The following ZNF280D variants were observed in gnomAD, a reference collection of about 807,000 sequenced individuals.
ZNF280D encodes zinc finger protein 280D.
ZNF280D carries 39 observed loss-of-function variants against 94.7 expected under a neutral mutation model. That is an observed-to-expected ratio of 0.41 (90% CI 0.32 to 0.54). The LOEUF (loss-of-function observed/expected upper bound fraction) is 0.54. Ranked by LOEUF, ZNF280D falls within the 20% of genes least tolerant of loss-of-function variation. ZNF280D has a pLI of 0.22. For synonymous variants in ZNF280D, 398 were observed against 377.6 expected (o/e 1.05, Z -0.63); for missense variants, 1,090 against 1,149.3 (o/e 0.95, Z 0.75).
chr15:56,702,512 G>A (rs2057137705), intron 4 of ZNF280D, among the ~76,000 whole-genome samples: 1 of 152,064 alleles, frequency 6.6e-6, no homozygotes. Flanking sequence ...TAAAACTAAT[G>A]TACAGTGTTC....
intron 1 of ZNF280D, chr15:56,730,561 T>A (rs1046509438): frequency 8.5e-5 from 13 of 152,202 alleles, no homozygotes; most frequent in South Asian, 4.1e-4. Context: ...TCCTCCAACA[T>A]CAAACTACTT....
At chr15:56,651,491 C>T (rs1415952911) in intron 19 of ZNF280D, among the ~76,000 whole-genome samples, 2 of 151,966 alleles carry the variant, frequency 1.3e-5, no homozygotes, top group African/African-American at 4.8e-5. Flanking sequence ...AATGAATTTA[C>T]TGGGAAAGAA....
intron 1 of ZNF280D, chr15:56,724,933 A>T: frequency 2.2e-6 from 1 of 452,426 alleles, no homozygotes; most frequent in Non-Finnish European, 4.4e-6. Context: ...TTGGTTATGA[A>T]GGCCTTTCTA....
rs559422359 is a variant in ZNF280D, at chr15:56,689,962, C to G, written c.500-492G>C. Among the ~76,000 whole-genome samples, 321 of 152,274 alleles carry G rather than the reference C, an allele frequency of 2.1e-3. 8 individuals carry two copies. The East Asian group carries it at 0.056, about 26-fold the overall frequency. On this transcript the variant is annotated intron_variant, in intron 7 of 21. Coordinates refer to ENST00000267807, the MANE Select transcript of ZNF280D (RefSeq NM_017661.4). Reference sequence around the variant, plus strand: ...TGTCTAATGGAAATTTAGTTCTTTCCTACCTAACAAACTGAAGAGTAGGTA... The same window carrying G: ...TGTCTAATGGAAATTTAGTTCTTTCGTACCTAACAAACTGAAGAGTAGGTA...
intron 3 of ZNF280D, among the ~76,000 whole-genome samples, chr15:56,706,325 A>G (rs1596588010): frequency 6.6e-6 from 1 of 151,024 alleles, no homozygotes; most frequent in Non-Finnish European, 1.5e-5. Flanking sequence ...AAATAGAAAA[A>G]AAATTAGCCA....
In ZNF280D at chr15:56,715,782, A is replaced by G. The variant is rs919348940; in HGVS notation, c.-85-8476T>C. The stretch of plus-strand genomic sequence containing the variant: ...CTGCTGAAGATGTACCAGAAGATCT[A>G]CATGACAGAAGGTCATTTATTCCAG... On this transcript the variant is annotated intron_variant, in intron 1 of 21. Transcript: ENST00000267807. 3.3e-5 allele frequency among the ~76,000 whole-genome samples: 5 copies of G among 152,308 alleles called. No individual in the cohort carries two copies. In the East Asian group the frequency reaches 9.6e-4, roughly 29 times the overall value.
chr15:56,658,650 G>C (rs1416412398), intron 16 of ZNF280D, among the ~76,000 whole-genome samples, 164 bp from the exon 17 acceptor site: 1 of 151,918 alleles, frequency 6.6e-6, no homozygotes, highest in African/African-American at 2.4e-5. Context: ...TATTTTATCT[G>C]ATATTCCATT....
chr15:56,698,186 T>C (rs2056860869), intron 6 of ZNF280D: 1 of 152,224 alleles, frequency 6.6e-6, no homozygotes. Flanking sequence ...TCTTAGCTTT[T>C]AAATGTATGT....
At chr15:56,680,784 C>G (rs1395882600) in intron 10 of ZNF280D, among the ~76,000 whole-genome samples, 1 of 152,124 alleles carries the variant, frequency 6.6e-6, no homozygotes, top group Non-Finnish European at 1.5e-5. Context: ...GCCCCATTTT[C>G]ATGTTTGCTA....
chr15:56,633,810 G>C (rs374166557), intron 21 of ZNF280D, among the ~76,000 whole-genome samples: 1 of 151,938 alleles, frequency 6.6e-6, no homozygotes, highest in Admixed American at 6.6e-5. Context: ...ATGTTATCCA[G>C]CAAGAAAGGA....
intron 19 of ZNF280D, among the ~76,000 whole-genome samples, chr15:56,644,777 T>G (rs2052797942): frequency 6.6e-6 from 1 of 152,168 alleles, no homozygotes; most frequent in African/African-American, 2.4e-5. Flanking sequence ...CCTCTTGCTA[T>G]CTCTGTGATG....
chr15:56,651,742 G>GT (rs1172749845), intron 19 of ZNF280D, among the ~76,000 whole-genome samples: 2 of 151,658 alleles, frequency 1.3e-5, no homozygotes, highest in African/African-American at 4.8e-5. Context: ...ATATTGTATT[G>GT]TTTTTTATTT....
intron 13 of ZNF280D, among the ~76,000 whole-genome samples, chr15:56,669,974 A>ATAAT (rs1230973169): frequency 0.065 from 51 of 782 alleles, 10 homozygotes; most frequent in African/African-American, 0.13. Flanking sequence ...ATATATATAT[A>ATAAT]ATATATATAT....
intron 1 of ZNF280D, among the ~76,000 whole-genome samples, chr15:56,718,257 T>A (rs1226918646): frequency 6.6e-6 from 1 of 152,034 alleles, no homozygotes; most frequent in African/African-American, 2.4e-5. Context: ...AGCAGTTAGG[T>A]TGAAGCTCAA....
intron 1 of ZNF280D, among the ~76,000 whole-genome samples, chr15:56,719,765 G>A (rs573754301): frequency 3.4e-4 from 52 of 151,706 alleles, no homozygotes; most frequent in Middle Eastern, 3.4e-3. Flanking sequence ...CAAGTCACAC[G>A]CATTGTTTGG....
intron 4 of ZNF280D, among the ~76,000 whole-genome samples, chr15:56,702,605 A>C (rs1253431193): frequency 1.3e-5 from 2 of 152,166 alleles, no homozygotes; most frequent in African/African-American, 4.8e-5. Flanking sequence ...TAAGAGTTTG[A>C]ATTTTGCAAT....
intron 16 of ZNF280D, among the ~76,000 whole-genome samples, chr15:56,661,065 C>T (rs2140782697): frequency 6.6e-6 from 1 of 152,082 alleles, no homozygotes; most frequent in Non-Finnish European, 1.5e-5. Context: ...AAATAATTAA[C>T]ACAAGATAAA....
rs572894422 is a variant in ZNF280D at position 56,690,704 on chromosome 15, A to G, written c.500-1234T>C. 3.3e-5 allele frequency among the ~76,000 whole-genome samples: 5 copies of G among 152,320 alleles called. No individual in the cohort carries two copies. The East Asian group carries it at 7.7e-4, about 23-fold the overall frequency. ...ATATCCAGGCTATAAAAAGGCTCGG[A>G]AAAGTTTTTTTTTGAAAATAACATA... On this transcript the variant is annotated intron_variant, in intron 7 of 21. Coordinates refer to ENST00000267807, the MANE Select transcript of ZNF280D (RefSeq NM_017661.4).
intron 1 of ZNF280D, among the ~76,000 whole-genome samples, chr15:56,714,112 T>C (rs979222177): frequency 4.6e-5 from 7 of 152,222 alleles, no homozygotes; most frequent in African/African-American, 1.7e-4. Context: ...GCCTCAAGTA[T>C]TTCTTACAAA....
Sources: allele counts gnomAD v4.1 joint callset (sites outside exome capture counted in the v4.1 genomes callset), GRCh38; gene constraint gnomAD v4.1.1; transcripts MANE v1.5; gene names NCBI Gene and HGNC (gene_info 2026-07-23, HGNC 2026-07-21).